The following MYCBP2 variants were observed in gnomAD, a reference collection of about 807,000 sequenced individuals.
MYCBP2 encodes E3 ubiquitin-protein ligase MYCBP2.
In MYCBP2, 120 loss-of-function variants were observed where a neutral mutation model predicts 525.3. The ratio of observed to expected loss-of-function variants is 0.23; its 90% CI spans 0.20 to 0.27. The LOEUF (loss-of-function observed/expected upper bound fraction) is 0.27. MYCBP2 is among the 10% of genes least tolerant of loss of function. MYCBP2 has a pLI of 1.00. For missense variants in MYCBP2, 4,149 were observed against 5,657.1 expected (o/e 0.73, Z 8.55); for synonymous variants, 1,894 against 1,955.8 (o/e 0.97, Z 0.83).
chr13:77,202,830 G>A (rs1159000924), intron 26 of MYCBP2, among the ~76,000 whole-genome samples: 1 of 152,148 alleles, frequency 6.6e-6, no homozygotes, highest in Non-Finnish European at 1.5e-5. Context: ...AAAGGCCTTT[G>A]ACAAAATTCA....
At position 77,262,032 on chromosome 13, in the gene MYCBP2, A is replaced by T. The variant is rs541993328; in HGVS notation, c.1647+21T>A. ...CTTAAATCAGAGAATGCTCATTTTTAATCCAAAGAGAATAATTTACCTTTC... is the reference window on the plus strand; with the variant it reads ...CTTAAATCAGAGAATGCTCATTTTTTATCCAAAGAGAATAATTTACCTTTC... On this transcript the variant is annotated intron_variant, in intron 11 of 82. Coordinates refer to ENST00000544440, the MANE Select transcript of MYCBP2 (RefSeq NM_015057.5). 5 of 1,595,308 alleles carry T rather than the reference A, an allele frequency of 3.1e-6. 1 individual carries two copies. The South Asian group carries it at 5.6e-5, about 18-fold the overall frequency.
intron 27 of MYCBP2, 32 bp from the exon 28 acceptor site, chr13:77,191,845 T>C (rs964802624): frequency 6.2e-7 from 1 of 1,603,532 alleles, no homozygotes; most frequent in Admixed American, 1.7e-5. Flanking sequence ...AAAAACAATA[T>C]TTTCTTACTT....
intron 20 of MYCBP2, among the ~76,000 whole-genome samples, 172 bp downstream of exon 20, chr13:77,224,279 C>T (rs947322368): frequency 1.3e-5 from 2 of 152,032 alleles, no homozygotes; most frequent in African/African-American, 4.8e-5. Context: ...AGCACTCAAC[C>T]ATAAGATCAG....
intron 1 of MYCBP2, among the ~76,000 whole-genome samples, chr13:77,311,071 GTTGT>G (rs1326565191): frequency 3.9e-5 from 6 of 152,194 alleles, no homozygotes; most frequent in African/African-American, 1.4e-4. Flanking sequence ...TCCCAGTTTG[GTTGT>G]TTTTCTCCTT....
At position 77,169,600 on chromosome 13, in the gene MYCBP2, A is replaced by C. The variant is rs2058938191; in HGVS notation, c.5895+14T>G. On this transcript the variant is annotated intron_variant, in intron 39 of 82. Transcript: ENST00000544440. ...TAAAAAAAACATTCAAAGTTATAGA[A>C]TTAAATTACACACCTTGGGAATAGC... The C allele has an allele frequency of 1.9e-6, 3 of 1,591,566 alleles. No individual in the cohort carries two copies. The highest frequency in any genetic ancestry group is 8.6e-7 in the Non-Finnish European group (1 of 1,160,934).
rs910573831 is a variant in MYCBP2, at chr13:77,204,287, A to G, written c.3843+969T>C. 3.4e-4 allele frequency among the ~76,000 whole-genome samples: 52 copies of G among 151,628 alleles called. 1 individual carries two copies. Among genetic ancestry groups the G allele is most frequent in the Non-Finnish European group, 5.3e-4 (36 of 67,650 alleles). On this transcript the variant is annotated intron_variant, in intron 26 of 82. Transcript: ENST00000544440. The stretch of plus-strand genomic sequence containing the variant: ...GAAGACATTTATGCAGCCAAAAAAC[A>G]CTTGAAAAAATGCTCACCATCACTG...
At chr13:77,310,594 T>C (rs2080067535) in intron 1 of MYCBP2, among the ~76,000 whole-genome samples, 1 of 152,148 alleles carries the variant, frequency 6.6e-6, no homozygotes, top group Admixed American at 6.5e-5. Context: ...ACATATGATA[T>C]CAAACAGTAT....
chr13:77,292,527 A>T (rs111705515), intron 2 of MYCBP2, among the ~76,000 whole-genome samples: 2 of 94,126 alleles, frequency 2.1e-5, no homozygotes, highest in Admixed American at 2.4e-4. Context: ...AAGACACCAG[A>T]TTTAAAAAAA....
At chr13:77,104,014 T>C (rs970701928) in intron 55 of MYCBP2, among the ~76,000 whole-genome samples, 15 of 152,018 alleles carry the variant, frequency 9.9e-5, no homozygotes, top group African/African-American at 2.9e-4. Context: ...AAGCACTTAA[T>C]TTATCTTTTT....
At chr13:77,260,676 A>T in intron 12 of MYCBP2, 84 bp from the exon 13 acceptor site, 1 of 1,199,472 alleles carries the variant, frequency 8.3e-7, no homozygotes, top group Non-Finnish European at 1.1e-6. Context: ...TAAAAAAAAA[A>T]CCCATATTAT....
At chr13:77,255,884 C>T (rs952236755) in intron 14 of MYCBP2, among the ~76,000 whole-genome samples, 2 of 152,026 alleles carry the variant, frequency 1.3e-5, no homozygotes, top group Non-Finnish European at 2.9e-5. Context: ...CAAAGTTCAA[C>T]GCTTAGTTCT....
chr13:77,179,969 T>C (rs1448164442), intron 34 of MYCBP2, among the ~76,000 whole-genome samples, 158 bp downstream of exon 34: 1 of 151,994 alleles, frequency 6.6e-6, no homozygotes, highest in African/African-American at 2.4e-5. Flanking sequence ...TCAGAGAAAG[T>C]AGGAGGTGGA....
chr13:77,307,598 C>T (rs894865320), intron 1 of MYCBP2, among the ~76,000 whole-genome samples: 1 of 135,766 alleles, frequency 7.4e-6, no homozygotes, highest in Admixed American at 8.3e-5. Flanking sequence ...TGCACCCCAG[C>T]CTGGATGACA....
intron 23 of MYCBP2, 128 bp from the exon 24 acceptor site, chr13:77,206,953 A>C: frequency 6.8e-6 from 5 of 730,388 alleles, no homozygotes; most frequent in Non-Finnish European, 8.1e-6. Flanking sequence ...AATGTAGCTC[A>C]TTATCTTCTG....
chr13:77,178,579 G>C (rs1361781094), intron 34 of MYCBP2, among the ~76,000 whole-genome samples: 2 of 152,206 alleles, frequency 1.3e-5, no homozygotes, highest in Admixed American at 1.3e-4. Context: ...TTTCACTAGA[G>C]AGAATTAGAG....
At position 77,058,281 on chromosome 13, in the gene MYCBP2, T is replaced by C; in HGVS notation, c.13266A>G (p.Gln4422=). Residue 4422 remains glutamine (Q), a synonymous_variant, in exon 78 of 83, where the codon CAA becomes CAG. Coordinates refer to ENST00000544440, the MANE Select transcript of MYCBP2 (RefSeq NM_015057.5). This position sits in a 1 kb window ranked among gnomAD's most constrained non-coding sequence, Gnocchi z 4.1. ...GCDKSATSLK[Q]DADDMCMICF... is the part of the protein sequence containing the mutation. ...ATATCATGCACATGTCATCGGCGTCTTGCTTCAGGCTTGTGGCACTTTTGT... is the reference window on the plus strand; with the variant it reads ...ATATCATGCACATGTCATCGGCGTCCTGCTTCAGGCTTGTGGCACTTTTGT... 2 of 1,614,204 alleles carry C rather than the reference T, an allele frequency of 1.2e-6. No homozygotes were observed. Among genetic ancestry groups the C allele is most frequent in the Non-Finnish European group, 1.7e-6 (2 of 1,180,032 alleles).
rs375191988 is a variant in MYCBP2, at chr13:77,076,549, T to G, written c.11823+202A>C. Among the ~76,000 whole-genome samples the G allele has an allele frequency of 2.0e-5, 3 of 152,282 alleles. No homozygotes were observed. In the East Asian group the frequency reaches 5.8e-4, roughly 29 times the overall value. On this transcript the variant is annotated intron_variant, in intron 68 of 82. Transcript: ENST00000544440. ...CAAAAACCCAAGGTATAGAGCAAAT[T>G]TGCTGTTACTTAAAATACTAGCTAG...
chr13:77,290,952 A>G (rs1449554393), intron 2 of MYCBP2, among the ~76,000 whole-genome samples: 1 of 152,220 alleles, frequency 6.6e-6, no homozygotes. Flanking sequence ...TGTAAATAAA[A>G]GTAATAAAAT....
chr13:77,320,573 A>C (rs1294833626), intron 1 of MYCBP2, among the ~76,000 whole-genome samples: 2 of 152,182 alleles, frequency 1.3e-5, no homozygotes, highest in African/African-American at 2.4e-5. Context: ...CATTAGGTAA[A>C]AGGCATTCAC....
Sources: gnomAD v4.1 joint callset for allele counts (sites outside exome capture counted in the v4.1 genomes callset) on GRCh38, gnomAD v4.1.1 for gene constraint, Gnocchi (gnomAD v3.1) non-coding constraint, MANE v1.5 for transcripts, NCBI Gene and HGNC (gene_info 2026-07-23, HGNC 2026-07-21) for gene names.